PHF2: variants seen among roughly 807,000 people sequenced by gnomAD.
The protein encoded by PHF2 is PHD finger protein 2, also known as lysine-specific demethylase PHF2.
PHF2 carries 27 observed loss-of-function variants against 120.5 expected under a neutral mutation model. The observed-to-expected ratio is 0.22, with a 90% CI of 0.17 to 0.31. The LOEUF (loss-of-function observed/expected upper bound fraction) is 0.31, where lower values mean the gene tolerates loss of function less well. Among genes scored for constraint, PHF2 ranks in the 10% least tolerant of loss-of-function variants. The pLI is 1.00. For synonymous variants in PHF2, 568 were observed against 592.5 expected (o/e 0.96, Z 0.60); for missense variants, 1,024 against 1,434.8 (o/e 0.71, Z 4.63).
intron 2 of PHF2, among the ~76,000 whole-genome samples, chr9:93,633,356 A>G: frequency 6.6e-6 from 1 of 152,230 alleles, no homozygotes; most frequent in Non-Finnish European, 1.5e-5. Flanking sequence ...GGAACTCGGG[A>G]AGGCATCCCC....
chr9:93,665,713 C>T lies in PHF2; in HGVS notation c.1965C>T (p.Ser655=), dbSNP rs1310490448. Residue 655 remains serine (S), a synonymous_variant, in exon 15 of 22, where the codon AGC becomes AGT. Transcript: ENST00000359246. ...LGSKALRPPT[S]PGVFGALQNF... ...CCAAGGCTCTCAGGCCCCCGACGAG[C>T]CCTGGTGTGTTCGGGGCCTTGCAGA... 1 of 1,613,982 alleles carries T rather than the reference C, an allele frequency of 6.2e-7. No homozygotes were observed. Among genetic ancestry groups the T allele is most frequent in the South Asian group, 1.1e-5 (1 of 91,088 alleles).
chr9:93,583,449 T>C (rs1026478806), intron 1 of PHF2, among the ~76,000 whole-genome samples: 4 of 152,238 alleles, frequency 2.6e-5, no homozygotes, highest in African/African-American at 9.6e-5. Context: ...TGCCGGATCA[T>C]ATGGTAACTC....
chr9:93,673,054 G>A (rs1826839322), intron 17 of PHF2, among the ~76,000 whole-genome samples: 2 of 151,868 alleles, frequency 1.3e-5, no homozygotes, highest in South Asian at 4.1e-4. Context: ...GGTCACTGGG[G>A]AAAGCGTGTG....
chr9:93,607,963 GGGAA>G, intron 1 of PHF2, among the ~76,000 whole-genome samples: 4 of 145,932 alleles, frequency 2.7e-5, no homozygotes, highest in Admixed American at 6.9e-5. Flanking sequence ...GAGAGAGAGA[GGGAA>G]AGAGATGAGA....
At chr9:93,618,403 A>G (rs1198115010) in intron 1 of PHF2, among the ~76,000 whole-genome samples, 1 of 152,252 alleles carries the variant, frequency 6.6e-6, no homozygotes, top group African/African-American at 2.4e-5. Context: ...ATGCATACAC[A>G]TGGCAATGTA....
chr9:93,598,177 T>C (rs1453868007), intron 1 of PHF2, among the ~76,000 whole-genome samples: 1 of 152,166 alleles, frequency 6.6e-6, no homozygotes, highest in Non-Finnish European at 1.5e-5. Context: ...GGATGGGGCT[T>C]GAGAAGTCCA....
intron 1 of PHF2, among the ~76,000 whole-genome samples, chr9:93,604,152 A>G (rs1464958754): frequency 6.6e-6 from 1 of 152,038 alleles, no homozygotes; most frequent in African/African-American, 2.4e-5. Flanking sequence ...AGATGGGAAA[A>G]ACAGGTTGAT....
intron 1 of PHF2, among the ~76,000 whole-genome samples, chr9:93,590,932 C>G (rs116650506): frequency 7.9e-5 from 12 of 152,242 alleles, no homozygotes; most frequent in Admixed American, 7.8e-4. Flanking sequence ...TTTGAGGGGC[C>G]GCTTCTCCCC....
At chr9:93,636,848 T>G (rs1194755034) in intron 3 of PHF2, among the ~76,000 whole-genome samples, 1 of 152,254 alleles carries the variant, frequency 6.6e-6, no homozygotes. Flanking sequence ...TCCTGAGCCC[T>G]TGGCTCCCAG....
chr9:93,611,899 A>G (rs1468327906), intron 1 of PHF2, among the ~76,000 whole-genome samples: 2 of 152,222 alleles, frequency 1.3e-5, no homozygotes, highest in Admixed American at 6.5e-5. Context: ...ATTTGTCTCC[A>G]GTGAGAAGCT....
At chr9:93,580,194 C>T (rs1862907384) in intron 1 of PHF2, among the ~76,000 whole-genome samples, 2 of 152,178 alleles carry the variant, frequency 1.3e-5, no homozygotes, top group East Asian at 3.9e-4. Context: ...TGGGGATCCT[C>T]GCCAGCCCAG....
At chr9:93,598,437 C>T (rs767964169) in intron 1 of PHF2, among the ~76,000 whole-genome samples, 8 of 152,120 alleles carry the variant, frequency 5.3e-5, no homozygotes, top group South Asian at 2.1e-4. Flanking sequence ...CATGGGGCCC[C>T]GGGGGGCTGG....
intron 1 of PHF2, among the ~76,000 whole-genome samples, chr9:93,602,032 T>C (rs1374866200): frequency 6.6e-6 from 1 of 152,018 alleles, no homozygotes; most frequent in Admixed American, 6.6e-5. Context: ...CACCTGTCCT[T>C]CTTCTTCCAT....
In PHF2 at chr9:93,649,078, A is replaced by G. The variant is rs2117895957; in HGVS notation, c.468A>G (p.Glu156=). The G allele has an allele frequency of 6.4e-7, 1 of 1,551,120 alleles. No homozygotes were observed. The highest frequency in any genetic ancestry group is 8.7e-7 in the Non-Finnish European group (1 of 1,146,846). Residue 156 remains glutamate (E), a synonymous_variant, in exon 5 of 22, where the codon GAA becomes GAG. Transcript: ENST00000359246. ...CTCCCACCACCTCCCTAGGGCCGGA[A>G]CGGAGTGTGGATGTGACAGATGTCA... is the stretch of plus-strand genomic sequence containing the variant. ...VSDVENYVGP[E]RSVDVTDVTK...
chr9:93,618,820 ATGTGTGATG>A (rs1825771175), intron 1 of PHF2, among the ~76,000 whole-genome samples: 1 of 7,502 alleles, frequency 1.3e-4, no homozygotes, highest in African/African-American at 5.2e-4. Flanking sequence ...GGGTGTCTGC[ATGTGTGATG>A]TGTGTGGTGT....
At chr9:93,591,363 C>T (rs1367533349) in intron 1 of PHF2, among the ~76,000 whole-genome samples, 2 of 152,236 alleles carry the variant, frequency 1.3e-5, no homozygotes, top group African/African-American at 2.4e-5. Context: ...AAAGCCAAGT[C>T]TAGTAGAACA....
At chr9:93,658,305 C>T (rs1486299710) in intron 10 of PHF2, 69 bp downstream of exon 10, 2 of 1,167,922 alleles carry the variant, frequency 1.7e-6, no homozygotes, top group African/African-American at 3.0e-5. Flanking sequence ...CCCTGGAGAC[C>T]CAGCAGCAAT....
chr9:93,601,108 C>CTT (rs934658372), intron 1 of PHF2, among the ~76,000 whole-genome samples: 9 of 152,198 alleles, frequency 5.9e-5, no homozygotes, highest in African/African-American at 2.2e-4. Flanking sequence ...CCCGTGAGTA[C>CTT]TTACATCCCC....
rs1410307245 is a variant in PHF2, at chr9:93,679,403, CT to C, written c.*1728del. ...TAACCTGGACATCAAGCTGTTCTCT[CT>C]CTCTCTTTTTTTTAATTTTATTATT... On this transcript the variant is annotated 3_prime_UTR_variant, in exon 22 of 22. Coordinates refer to ENST00000359246, the MANE Select transcript of PHF2 (RefSeq NM_005392.4). 2.9e-6 allele frequency: 1 copy of C among 339,448 alleles called. No homozygotes were observed. The highest frequency in any genetic ancestry group is 2.2e-5 in the African/African-American group (1 of 45,002). 21.0% of individuals were successfully genotyped at this position (339,448 alleles called of 1,614,324 possible).
Sources: allele counts gnomAD v4.1 joint callset (sites outside exome capture counted in the v4.1 genomes callset), GRCh38; gene constraint gnomAD v4.1.1; transcripts MANE v1.5; gene names NCBI Gene and HGNC (gene_info 2026-07-23, HGNC 2026-07-21).